Variants in PHF8 observed in about 807,000 individuals in gnomAD.
PHF8 encodes the protein histone lysine demethylase PHF8.
In PHF8, 9 loss-of-function variants were observed where a neutral mutation model predicts 74.4. That is an observed-to-expected ratio of 0.12 (90% CI 0.07 to 0.21). The LOEUF (loss-of-function observed/expected upper bound fraction) is 0.21, where lower values mean the gene tolerates loss of function less well. Among genes scored for constraint, PHF8 ranks in the 10% least tolerant of loss-of-function variants. The pLI is 1.00. For missense variants in PHF8, 478 were observed against 816.6 expected, an observed-to-expected ratio of 0.59 and a Z score of 5.05; for synonymous variants, 311 against 316.6, an observed-to-expected ratio of 0.98 and a Z score of 0.19.
At chrX:53,981,368 A>C (rs782401669) in intron 18 of PHF8, among the ~76,000 whole-genome samples, 5 of 112,589 alleles carry the variant, frequency 4.4e-5, no homozygotes, top group African/African-American at 1.6e-4. Context: ...CAACATAAGA[A>C]GACATACAGA....
At position 53,938,309 on chromosome X, in the gene PHF8, G is replaced by GGGCCC; in HGVS notation, c.*844_*848dup. 1 of 1,017,493 alleles carries GGGCCC rather than the reference G, an allele frequency of 9.8e-7. No homozygotes were observed. The highest frequency in any genetic ancestry group is 1.2e-6 in the Non-Finnish European group (1 of 800,969). The allele number at this position is 1,017,493 out of a possible 1,213,427, so 83.9% of individuals were successfully genotyped here. ...CTGGGAGATGGTTTTCCACCTGCCA[G>GGGCCC]GGCCCAGCCACAGCCACAGCCACAG... is the stretch of plus-strand genomic sequence containing the variant. On this transcript the variant is annotated 3_prime_UTR_variant, in exon 22 of 22. Coordinates refer to ENST00000338154, the MANE Select transcript of PHF8 (RefSeq NM_015107.3).
At chrX:53,981,208 G>A (rs1321454120) in intron 18 of PHF8, among the ~76,000 whole-genome samples, 4 of 111,959 alleles carry the variant, frequency 3.6e-5, no homozygotes, top group African/African-American at 6.5e-5. Context: ...AGTGAGACTC[G>A]GTCTCAAAAC....
chrX:53,952,765 C>T (rs1557087313), intron 19 of PHF8, among the ~76,000 whole-genome samples: 1 of 108,208 alleles, frequency 9.2e-6, no homozygotes, highest in African/African-American at 3.4e-5. Flanking sequence ...CGCCTGTAGT[C>T]CCAACTACTC....
intron 2 of PHF8, among the ~76,000 whole-genome samples, chrX:54,024,069 T>C (rs958703798): frequency 9.0e-6 from 1 of 111,158 alleles, no homozygotes; most frequent in Non-Finnish European, 1.9e-5. Flanking sequence ...ATCAATAAAC[T>C]AGGGATATCA....
chrX:53,994,428 G>A (rs1353396589), intron 12 of PHF8, among the ~76,000 whole-genome samples: 4 of 112,611 alleles, frequency 3.6e-5, no homozygotes, highest in Admixed American at 9.4e-5. Context: ...GGTAGAAGGC[G>A]AATGAGAAGA....
intron 19 of PHF8, among the ~76,000 whole-genome samples, chrX:53,952,703 G>A (rs1168396323): frequency 9.3e-6 from 1 of 108,034 alleles, no homozygotes; most frequent in Non-Finnish European, 1.9e-5. Context: ...CTAACACGGT[G>A]AAACCTCGTC....
chrX:54,014,799 G>T (rs2066035929), intron 6 of PHF8, among the ~76,000 whole-genome samples: 1 of 111,046 alleles, frequency 9.0e-6, no homozygotes, highest in Non-Finnish European at 1.9e-5. Context: ...TCCAGTCAAA[G>T]GTGTTCATTT....
chrX:53,986,017 G>A (rs1428950045), intron 16 of PHF8, 68 bp from the exon 17 acceptor site: 6 of 993,378 alleles, frequency 6.0e-6, no homozygotes, highest in Admixed American at 2.2e-5. Context: ...GTACAGGGGC[G>A]ATGATCTGAC....
intron 18 of PHF8, among the ~76,000 whole-genome samples, chrX:53,979,116 C>T (rs1420517926): frequency 9.0e-6 from 1 of 111,631 alleles, no homozygotes; most frequent in Non-Finnish European, 1.9e-5. Flanking sequence ...CACAGTGGGT[C>T]ACGCCTATAA....
At chrX:54,009,660 C>A (rs782587743) in intron 8 of PHF8, among the ~76,000 whole-genome samples, 5 of 106,052 alleles carry the variant, frequency 4.7e-5, no homozygotes, top group African/African-American at 1.7e-4. Context: ...CTGGCCAACA[C>A]GGTGAAACCC....
chrX:53,966,588 C>A (rs1265186711), intron 18 of PHF8, among the ~76,000 whole-genome samples: 1 of 111,852 alleles, frequency 8.9e-6, no homozygotes, highest in Non-Finnish European at 1.9e-5. Context: ...GCTACAACCT[C>A]CACCTCCCAG....
At chrX:54,041,630 G>T (rs1323098433) in intron 2 of PHF8, among the ~76,000 whole-genome samples, 1 of 111,660 alleles carries the variant, frequency 9.0e-6, no homozygotes, top group Non-Finnish European at 1.9e-5. Flanking sequence ...TGGGTGACAG[G>T]TGCTTATGTG....
At chrX:53,988,783 T>C (rs1377094871) in intron 14 of PHF8, among the ~76,000 whole-genome samples, 3 of 107,762 alleles carry the variant, frequency 2.8e-5, no homozygotes, top group African/African-American at 6.8e-5. Flanking sequence ...CTGTATTGTA[T>C]ACTTGAAATT....
At chrX:53,998,547 C>T (rs1313588995) in intron 11 of PHF8, among the ~76,000 whole-genome samples, 1 of 111,569 alleles carries the variant, frequency 9.0e-6, no homozygotes, top group African/African-American at 3.3e-5. Flanking sequence ...CACCCTGCCC[C>T]TGCCATCAAT....
chrX:54,002,615 A>T lies in PHF8; in HGVS notation c.1014T>A (p.Leu338=). 1 of 1,191,820 alleles carries T rather than the reference A, an allele frequency of 8.4e-7. No homozygotes were observed. The highest frequency in any genetic ancestry group is 1.8e-5 in the South Asian group (1 of 56,514). Residue 338 remains leucine (L), a synonymous_variant, in exon 9 of 22, where the codon CTT becomes CTA. Transcript: ENST00000338154. Reference sequence around the variant, plus strand: ...CTCACTTGAGCTGCATCTCGATGTTAAGGCTGTGTAAGAAGTTCCCTCCAA... The same window carrying T: ...CTCACTTGAGCTGCATCTCGATGTTTAGGCTGTGTAAGAAGTTCCCTCCAA... ...LAFGGNFLHS[L]NIEMQLKAYE... is the part of the protein sequence containing the mutation.
chrX:53,939,025 G>T lies in PHF8; in HGVS notation c.*133C>A. The T allele has an allele frequency of 9.3e-7, 1 of 1,080,682 alleles. No homozygotes were observed. Among genetic ancestry groups the T allele is most frequent in the South Asian group, 2.9e-5 (1 of 34,802 alleles). The allele number at this position is 1,080,682 out of a possible 1,213,427, so 89.1% of individuals were successfully genotyped here. On this transcript the variant is annotated 3_prime_UTR_variant, in exon 22 of 22. Transcript: ENST00000338154. ...AGTCGGTGGAGGGGTCCGTGCCTTTGGTAAGTCCCAAGAAAGCAGGACAAT... is the reference window on the plus strand; with the variant it reads ...AGTCGGTGGAGGGGTCCGTGCCTTTTGTAAGTCCCAAGAAAGCAGGACAAT...
At chrX:53,991,661 CAAAAAAAAA>C (rs1201744328) in intron 14 of PHF8, among the ~76,000 whole-genome samples, 4 of 16,754 alleles carry the variant, frequency 2.4e-4, no homozygotes, top group Non-Finnish European at 4.3e-4. Flanking sequence ...GACTCTGTCT[CAAAAAAAAA>C]AAAAAAAAAA....
intron 2 of PHF8, among the ~76,000 whole-genome samples, chrX:54,037,777 G>C (rs1318062314): frequency 8.9e-6 from 1 of 112,503 alleles, no homozygotes; most frequent in Non-Finnish European, 1.9e-5. Context: ...AAAAGATAAA[G>C]ATAATTAGGC....
intron 2 of PHF8, among the ~76,000 whole-genome samples, chrX:54,029,855 G>C (rs1334240829): frequency 9.0e-6 from 1 of 111,567 alleles, no homozygotes; most frequent in Non-Finnish European, 1.9e-5. Flanking sequence ...CAAAATCAAA[G>C]GCAAAATTAT....
Sources: allele counts gnomAD v4.1 joint callset (sites outside exome capture counted in the v4.1 genomes callset), GRCh38; gene constraint gnomAD v4.1.1; transcripts MANE v1.5; gene names NCBI Gene and HGNC (gene_info 2026-07-23, HGNC 2026-07-21).